Variants in VEGFC observed in about 807,000 individuals in gnomAD.
VEGFC encodes the protein vascular endothelial growth factor C.
Under a neutral mutation model 46.1 loss-of-function variants are expected in VEGFC, and 12 were observed. The observed-to-expected ratio is 0.26, with a 90% CI of 0.17 to 0.42. The LOEUF is 0.42. VEGFC is among the 10% of genes least tolerant of loss of function. The pLI is 1.00. For synonymous variants in VEGFC, 232 were observed against 195.5 expected, an observed-to-expected ratio of 1.19 and a Z score of -1.56; for missense variants, 488 against 529.4, an observed-to-expected ratio of 0.92 and a Z score of 0.77.
intron 1 of VEGFC, among the ~76,000 whole-genome samples, chr4:176,767,123 T>TAAAAAAAAAAAAAAAAAAAA (rs70964805): frequency 7.9e-5 from 4 of 50,476 alleles, no homozygotes; most frequent in Non-Finnish European, 1.0e-4. Flanking sequence ...TGTAGAAATC[T>TAAAAAAAAAAAAAAAAAAAA]AAAAAAAAAA....
chr4:176,791,864 G>T (rs987569982), intron 1 of VEGFC, among the ~76,000 whole-genome samples: 1 of 152,090 alleles, frequency 6.6e-6, no homozygotes, highest in Non-Finnish European at 1.5e-5. Context: ...CCGCTGACTG[G>T]GCAGGGTTCA....
chr4:176,786,159 A>G (rs1354877434), intron 1 of VEGFC, among the ~76,000 whole-genome samples: 1 of 152,174 alleles, frequency 6.6e-6, no homozygotes, highest in African/African-American at 2.4e-5. Flanking sequence ...GCTTTCTTAG[A>G]CACTTCTGTG....
At chr4:176,751,878 G>A (rs1219170266) in intron 1 of VEGFC, among the ~76,000 whole-genome samples, 2 of 151,560 alleles carry the variant, frequency 1.3e-5, no homozygotes, top group Non-Finnish European at 2.9e-5. Flanking sequence ...GGAAACATAA[G>A]GCAAAATGAA....
At chr4:176,747,248 ATGTT>A (rs1244195057) in intron 1 of VEGFC, among the ~76,000 whole-genome samples, 1 of 152,102 alleles carries the variant, frequency 6.6e-6, no homozygotes, top group Non-Finnish European at 1.5e-5. Flanking sequence ...TGAACTGAAT[ATGTT>A]CTTCTTCACC....
At position 176,761,859 on chromosome 4, in the gene VEGFC, A is replaced by T. The variant is rs545959935; in HGVS notation, c.147+30306T>A. Among the ~76,000 whole-genome samples, 52 of 152,362 alleles carry T rather than the reference A, an allele frequency of 3.4e-4. 1 individual carries two copies. The highest frequency in any genetic ancestry group is 1.2e-3 in the African/African-American group (50 of 41,588). ...CATGGAATACAAAATGAAACAGCAG[A>T]GAGTGCTAGAATTCAGAGTTGGAAG... is the stretch of plus-strand genomic sequence containing the variant. On this transcript the variant is annotated intron_variant, in intron 1 of 6. Coordinates refer to ENST00000618562, the MANE Select transcript of VEGFC (RefSeq NM_005429.5).
At chr4:176,728,638 G>A (rs1734912351) in intron 2 of VEGFC, among the ~76,000 whole-genome samples, 1 of 152,006 alleles carries the variant, frequency 6.6e-6, no homozygotes. Context: ...TAATACTGTT[G>A]ACTTTTTAAA....
At chr4:176,688,437 TATGTAA>T (rs1734085975) in intron 4 of VEGFC, among the ~76,000 whole-genome samples, 1 of 152,216 alleles carries the variant, frequency 6.6e-6, no homozygotes, top group South Asian at 2.1e-4. Context: ...AGGAAACATC[TATGTAA>T]ATGTATCTTT....
At chr4:176,767,123 T>TAAAAAAAAAAAAAAAAAAAAAAA (rs70964805) in intron 1 of VEGFC, among the ~76,000 whole-genome samples, 6 of 50,462 alleles carry the variant, frequency 1.2e-4, no homozygotes, top group African/African-American at 1.7e-4. Flanking sequence ...TGTAGAAATC[T>TAAAAAAAAAAAAAAAAAAAAAAA]AAAAAAAAAA....
At position 176,699,757 on chromosome 4, in the gene VEGFC, A is replaced by C. The variant is rs1180106533; in HGVS notation, c.704+11742T>G. 1.3e-5 allele frequency among the ~76,000 whole-genome samples: 2 copies of C among 152,248 alleles called. 1 individual carries two copies. The highest frequency in any genetic ancestry group is 2.9e-5 in the Non-Finnish European group (2 of 68,040). On this transcript the variant is annotated intron_variant, in intron 4 of 6. Coordinates refer to ENST00000618562, the MANE Select transcript of VEGFC (RefSeq NM_005429.5). ...GTGGTTAAGTAAAAGTGGCCTTTAT[A>C]TTCAACGTTATTAAGTAACTTCTTC...
At chr4:176,764,028 T>C (rs1391523869) in intron 1 of VEGFC, among the ~76,000 whole-genome samples, 2 of 152,138 alleles carry the variant, frequency 1.3e-5, no homozygotes, top group Non-Finnish European at 1.5e-5. Flanking sequence ...AACTTCCACT[T>C]CTGACCATGA....
intron 1 of VEGFC, among the ~76,000 whole-genome samples, chr4:176,737,487 T>C (rs563911297): frequency 5.3e-5 from 8 of 150,566 alleles, no homozygotes; most frequent in Admixed American, 2.0e-4. Flanking sequence ...TCCTGAAAGA[T>C]AATTTATGTC....
chr4:176,772,504 G>A lies in VEGFC; in HGVS notation c.147+19661C>T, dbSNP rs574270844. ...AGTACATCAACGTTGCAAACAACCT[G>A]GAGAAAACAAATCTAGAAAGTACAA... On this transcript the variant is annotated intron_variant, in intron 1 of 6. Coordinates refer to ENST00000618562, the MANE Select transcript of VEGFC (RefSeq NM_005429.5). Among the ~76,000 whole-genome samples the A allele has an allele frequency of 2.6e-5, 4 of 152,250 alleles. No individual in the cohort carries two copies. In the East Asian group the frequency reaches 7.7e-4, roughly 29 times the overall value.
chr4:176,758,967 T>A lies in VEGFC; in HGVS notation c.148-29221A>T, dbSNP rs370843512. Among the ~76,000 whole-genome samples, 6 of 152,134 alleles carry A rather than the reference T, an allele frequency of 3.9e-5. No homozygotes were observed. In the South Asian group the frequency reaches 1.0e-3, roughly 26 times the overall value. ...TCCCACTGCCATCCAGGGCCAGTGA[T>A]AGCAGCCACGATTACTCATCTAAAA... is the stretch of plus-strand genomic sequence containing the variant. On this transcript the variant is annotated intron_variant, in intron 1 of 6. Transcript: ENST00000618562.
chr4:176,758,031 C>T (rs1232320568), intron 1 of VEGFC, among the ~76,000 whole-genome samples: 1 of 152,052 alleles, frequency 6.6e-6, no homozygotes, highest in East Asian at 1.9e-4. Flanking sequence ...TACTTCTCAA[C>T]ACTTTCTTTT....
At position 176,683,831 on chromosome 4, in the gene VEGFC, T is replaced by C; in HGVS notation, c.*95A>G. ...AGACAGACTTTTGTCTTTGTTAGCATGGACCCACAAGGGTCTCTCTGTTCA... is the reference window on the plus strand; with the variant it reads ...AGACAGACTTTTGTCTTTGTTAGCACGGACCCACAAGGGTCTCTCTGTTCA... On this transcript the variant is annotated 3_prime_UTR_variant, in exon 7 of 7. Transcript: ENST00000618562. 3.0e-6 allele frequency: 3 copies of C among 984,690 alleles called. No individual in the cohort carries two copies. Among genetic ancestry groups the C allele is most frequent in the South Asian group, 1.4e-5 (1 of 70,334 alleles). 61.0% of individuals were successfully genotyped at this position (984,690 alleles called of 1,614,324 possible). A position where few individuals can be genotyped will look rare whatever the true frequency, so the allele number is the denominator to read the frequency against.
rs1316686549 is a variant in VEGFC, at chr4:176,687,509, C to T, written c.823G>A (p.Gly275Arg). 1 of 1,602,776 alleles carries T rather than the reference C, an allele frequency of 6.2e-7. No individual in the cohort carries two copies. Among genetic ancestry groups the T allele is most frequent in the Non-Finnish European group, 8.5e-7 (1 of 1,174,408 alleles). The change falls in exon 6 of 7, where the codon GGA (glycine) becomes AGA (arginine). Residue 275 changes from glycine (G) to arginine (R), a missense_variant. By Grantham distance (125) the Gly-to-Arg change is moderately radical (BLOSUM62 -2). Transcript: ENST00000618562. ...TTTGGTCCACAGATGTCATGGAATC[C>T]ATCTGTTGAGTCTAGACAAATAGTC... Reference protein sequence around the residue: ...SSDAGDDSTDGFHDICGPNKE... With the variant: ...SSDAGDDSTDRFHDICGPNKE...
chr4:176,688,012 T>A, intron 4 of VEGFC, 85 bp from the exon 5 acceptor site: 2 of 672,106 alleles, frequency 3.0e-6, no homozygotes, highest in South Asian at 2.2e-5. Context: ...ATCAAAATAA[T>A]GCTCATAGAA....
At chr4:176,746,216 C>T (rs1032632750) in intron 1 of VEGFC, among the ~76,000 whole-genome samples, 2 of 152,038 alleles carry the variant, frequency 1.3e-5, no homozygotes, top group Non-Finnish European at 2.9e-5. Flanking sequence ...TCTGTGCTAC[C>T]TTTCTGCTCT....
chr4:176,734,129 T>G (rs1009892411), intron 1 of VEGFC, among the ~76,000 whole-genome samples: 1 of 151,862 alleles, frequency 6.6e-6, no homozygotes, highest in African/African-American at 2.4e-5. Context: ...TAGGTAACTT[T>G]GAATAAGTTA....
Sources: allele counts gnomAD v4.1 joint callset (sites outside exome capture counted in the v4.1 genomes callset), GRCh38; gene constraint gnomAD v4.1.1; transcripts MANE v1.5; gene names NCBI Gene and HGNC (gene_info 2026-07-23, HGNC 2026-07-21).